Variants in MRTFB observed in about 807,000 individuals in gnomAD.
MRTFB encodes the protein myocardin related transcription factor B, also known as myocardin-related transcription factor B.
A neutral mutation model predicts 104.2 loss-of-function variants in MRTFB; 29 were observed. That is an observed-to-expected ratio of 0.28 (90% CI 0.21 to 0.38). The LOEUF is 0.38. Ranked by LOEUF, MRTFB falls within the 10% of genes least tolerant of loss-of-function variation. MRTFB has a pLI of 1.00. For synonymous variants in MRTFB, 535 were observed against 519.5 expected (o/e 1.03, Z -0.41); for missense variants, 1,270 against 1,341.6 (o/e 0.95, Z 0.83).
intron 3 of MRTFB, among the ~76,000 whole-genome samples, chr16:14,169,302 C>T (rs1422149827): frequency 3.3e-5 from 5 of 152,172 alleles, no homozygotes; most frequent in African/African-American, 4.8e-5. Context: ...CCATGCTTCT[C>T]CTTCTTATGT....
chr16:14,037,292 A>C, the MRTFB span, among the ~76,000 whole-genome samples: 1 of 152,344 alleles, frequency 6.6e-6, no homozygotes, highest in Non-Finnish European at 1.5e-5. Context: ...CTGGCGCTCA[A>C]TAGATGGTAG....
intron 3 of MRTFB, among the ~76,000 whole-genome samples, chr16:14,179,221 A>C (rs547960020): frequency 1.3e-5 from 2 of 152,222 alleles, no homozygotes; most frequent in African/African-American, 2.4e-5. Context: ...GACATGATGC[A>C]TTTTTACATA....
the MRTFB span, among the ~76,000 whole-genome samples, chr16:14,014,579 C>T: frequency 5.3e-5 from 8 of 151,982 alleles, no homozygotes; most frequent in African/African-American, 9.6e-5. Flanking sequence ...AAAAGCCAGG[C>T]GCAGTGGCTC....
the MRTFB span, among the ~76,000 whole-genome samples, chr16:14,021,799 G>T: frequency 6.6e-6 from 1 of 152,106 alleles, no homozygotes; most frequent in Non-Finnish European, 1.5e-5. Context: ...ATATACCACA[G>T]TTTCTTTATC....
intron 2 of MRTFB, among the ~76,000 whole-genome samples, chr16:14,090,624 A>G (rs77391160): frequency 0.024 from 3,709 of 152,168 alleles, 167 homozygotes; most frequent in African/African-American, 0.085. Flanking sequence ...AATACTTTAT[A>G]GAAGAGTTGG....
At chr16:14,118,823 A>C (rs1165017734) in intron 2 of MRTFB, among the ~76,000 whole-genome samples, 1 of 152,038 alleles carries the variant, frequency 6.6e-6, no homozygotes, top group Non-Finnish European at 1.5e-5. Context: ...AAGATTTTGA[A>C]CTTTGCATAG....
At chr16:14,231,762 T>C (rs1293552414) in intron 8 of MRTFB, among the ~76,000 whole-genome samples, 1 of 152,226 alleles carries the variant, frequency 6.6e-6, no homozygotes, top group Non-Finnish European at 1.5e-5. Context: ...CTGCTAACTT[T>C]AGCCACTAGG....
At chr16:14,089,548 T>G (rs924812713) in intron 2 of MRTFB, among the ~76,000 whole-genome samples, 3 of 152,248 alleles carry the variant, frequency 2.0e-5, no homozygotes, top group Non-Finnish European at 4.4e-5. Flanking sequence ...ATTGTGGTGG[T>G]TTCCACTTTT....
the MRTFB span, among the ~76,000 whole-genome samples, chr16:14,026,524 T>C: frequency 1.2e-4 from 18 of 151,986 alleles, no homozygotes; most frequent in Non-Finnish European, 2.5e-4. Flanking sequence ...AAAAGCACAA[T>C]CCGTAAAGAA....
At chr16:14,036,123 AATATATATTATATATT>A in the MRTFB span, among the ~76,000 whole-genome samples, 115 of 9,100 alleles carry the variant, frequency 0.013, no homozygotes, top group Admixed American at 0.11. Flanking sequence ...TATTATATAA[AATATATATTATATATT>A]ATATATATAA....
chr16:14,173,142 G>T (rs895854972), intron 3 of MRTFB, among the ~76,000 whole-genome samples: 1 of 151,892 alleles, frequency 6.6e-6, no homozygotes, highest in Non-Finnish European at 1.5e-5. Context: ...TTTCTGGTTA[G>T]GCCTCTCCCT....
In MRTFB at chr16:14,140,600, G is replaced by A; in HGVS notation, c.-7G>A. On this transcript the variant is annotated 5_prime_UTR_variant, in exon 3 of 17. Coordinates refer to ENST00000571589, the MANE Select transcript of MRTFB (RefSeq NM_001308142.2). ...TTACACTCCCTGTTGCCAGTGGCTGGAACACAATGGATCACACAGGGGCGA... is the reference window on the plus strand; with the variant it reads ...TTACACTCCCTGTTGCCAGTGGCTGAAACACAATGGATCACACAGGGGCGA... 1 of 1,614,076 alleles carries A rather than the reference G, an allele frequency of 6.2e-7. No homozygotes were observed. The highest frequency in any genetic ancestry group is 8.5e-7 in the Non-Finnish European group (1 of 1,180,014).
intron 3 of MRTFB, chr16:14,195,454 G>A: frequency 2.3e-6 from 2 of 882,644 alleles, no homozygotes; most frequent in South Asian, 5.2e-5. Flanking sequence ...ATGTACAAAT[G>A]TGTATATGTA....
In MRTFB at chr16:14,230,765, C is replaced by T. The variant is rs1270744046; in HGVS notation, c.694-3381C>T. Among the ~76,000 whole-genome samples the T allele has an allele frequency of 3.3e-5, 5 of 152,224 alleles. No individual in the cohort carries two copies. The South Asian group carries it at 1.0e-3, about 32-fold the overall frequency. On this transcript the variant is annotated intron_variant, in intron 8 of 16. Transcript: ENST00000571589. ...CTAGAACTAGAAATACCATTTGACC[C>T]GGCCATCCCATTACCGGGTATATAC...
the MRTFB span, among the ~76,000 whole-genome samples, chr16:14,031,618 G>A: frequency 6.6e-6 from 1 of 152,014 alleles, no homozygotes; most frequent in East Asian, 1.9e-4. Context: ...ATATATTTTG[G>A]TCTTTCTCCC....
chr16:14,023,060 T>C, the MRTFB span, among the ~76,000 whole-genome samples: 13 of 152,106 alleles, frequency 8.5e-5, no homozygotes, highest in Non-Finnish European at 1.9e-4. Context: ...TATTTGCTCT[T>C]ATGTTGTGTG....
intron 8 of MRTFB, among the ~76,000 whole-genome samples, chr16:14,226,722 C>A (rs780195196): frequency 3.9e-5 from 6 of 152,112 alleles, no homozygotes; most frequent in Non-Finnish European, 7.4e-5. Flanking sequence ...CGCCTGTAAT[C>A]CCAGCTGTTT....
chr16:14,166,663 G>A (rs767238912), intron 3 of MRTFB, among the ~76,000 whole-genome samples: 5 of 133,122 alleles, frequency 3.8e-5, no homozygotes, highest in Admixed American at 1.5e-4. Context: ...CCTGCCCACC[G>A]CACCCACCCC....
chr16:14,206,757 T>G (rs901269419), intron 3 of MRTFB, among the ~76,000 whole-genome samples: 1 of 152,110 alleles, frequency 6.6e-6, no homozygotes, highest in Admixed American at 6.5e-5. Flanking sequence ...GCCAGGCTAG[T>G]CTCAAACTCC....
Sources: gnomAD v4.1 joint callset for allele counts (sites outside exome capture counted in the v4.1 genomes callset) on GRCh38, gnomAD v4.1.1 for gene constraint, MANE v1.5 for transcripts, NCBI Gene and HGNC (gene_info 2026-07-23, HGNC 2026-07-21) for gene names.